PRH1: variants seen among roughly 807,000 people sequenced by gnomAD.
PRH1 encodes proline rich protein HaeIII subfamily 1, also known as salivary acidic proline-rich phosphoprotein 1/2.
A neutral mutation model predicts 7.9 loss-of-function variants in PRH1; 7 were observed. The observed-to-expected ratio is 0.89, with a 90% confidence interval of 0.50 to 1.67. The LOEUF is 1.67. Ranked by LOEUF, PRH1 falls within the 40% of genes most tolerant of loss-of-function variation. PRH1 has a pLI of 0.00. For missense variants in PRH1, 109 were observed against 223.6 expected, an observed-to-expected ratio of 0.49 and a Z score of 3.27; for synonymous variants, 45 against 80.8, an observed-to-expected ratio of 0.56 and a Z score of 2.38.
intron 1 of PRH1, among the ~76,000 whole-genome samples, chr12:11,128,847 T>A (rs564170204): frequency 2.6e-5 from 4 of 152,382 alleles, no homozygotes; most frequent in East Asian, 1.9e-4. Context: ...ACCTGTTTGC[T>A]ATAAGCAGGA....
chr12:11,166,008 T>C (rs1338382265), intron 1 of PRH1: 3 of 152,242 alleles, frequency 2.0e-5, no homozygotes, highest in Non-Finnish European at 4.4e-5. Context: ...TACGTACCTT[T>C]GCCTCAGACG....
At chr12:10,986,832 G>GAA in intron 1 of PRH1, 1 of 1,509,172 alleles carries the variant, frequency 6.6e-7, no homozygotes, top group Non-Finnish European at 8.8e-7. Flanking sequence ...TATTAGAATT[G>GAA]AAAAAAAAAT....
chr12:10,887,671 C>T (rs1231302192), upstream of PRH1, among the ~76,000 whole-genome samples: 2 of 150,868 alleles, frequency 1.3e-5, no homozygotes, highest in Admixed American at 6.6e-5. Context: ...ACAGGTCCCT[C>T]GCCACCATGA....
chr12:10,957,531 C>G (rs996922507), intron 2 of PRH1, among the ~76,000 whole-genome samples: 6 of 152,006 alleles, frequency 3.9e-5, no homozygotes, highest in African/African-American at 1.2e-4. Flanking sequence ...GCAAAGACAC[C>G]AAAATCAATT....
intron 1 of PRH1, among the ~76,000 whole-genome samples, chr12:11,157,152 G>A (rs901443743): frequency 2.0e-5 from 3 of 152,172 alleles, no homozygotes; most frequent in African/African-American, 4.8e-5. Context: ...GAATAAAAGT[G>A]TGAGTCTAAT....
intron 2 of PRH1, among the ~76,000 whole-genome samples, chr12:10,914,237 C>G (rs1949941516): frequency 6.6e-6 from 1 of 151,928 alleles, no homozygotes; most frequent in Non-Finnish European, 1.5e-5. Context: ...GTTCATTTGA[C>G]AATTAAAAAA....
intron 2 of PRH1, among the ~76,000 whole-genome samples, chr12:10,901,575 C>T (rs1222436663): frequency 6.6e-6 from 1 of 152,152 alleles, no homozygotes; most frequent in Non-Finnish European, 1.5e-5. Context: ...CTCCATGAGT[C>T]AGACCATTAT....
At chr12:11,118,208 A>C (rs2136318043), downstream of PRH1, among the ~76,000 whole-genome samples, 1 of 152,340 alleles carries the variant, frequency 6.6e-6, no homozygotes, top group Non-Finnish European at 1.5e-5. Context: ...AGGAGCTTAA[A>C]CAACTGTATA....
At chr12:11,105,051 A>T (rs1945370004) in intron 1 of PRH1, among the ~76,000 whole-genome samples, 1 of 151,712 alleles carries the variant, frequency 6.6e-6, no homozygotes, top group African/African-American at 2.4e-5. Flanking sequence ...AATTTCAAAT[A>T]CTCTTGTTAT....
chr12:10,951,958 A>G (rs907803893), intron 2 of PRH1, among the ~76,000 whole-genome samples: 1 of 152,220 alleles, frequency 6.6e-6, no homozygotes, highest in Non-Finnish European at 1.5e-5. Context: ...AAGGAAATCC[A>G]GTTCTCTGCT....
intron 2 of PRH1, among the ~76,000 whole-genome samples, chr12:10,968,820 G>C (rs1489754853): frequency 2.6e-5 from 4 of 152,226 alleles, no homozygotes; most frequent in Non-Finnish European, 4.4e-5. Flanking sequence ...CAGCATCTGG[G>C]GGGGTGCCCG....
intron 2 of PRH1, among the ~76,000 whole-genome samples, chr12:10,972,932 A>ACCCCCCCCCCCCCC (rs545868427): frequency 5.1e-5 from 4 of 79,068 alleles, no homozygotes; most frequent in East Asian, 4.1e-4. Context: ...ACCACAACCC[A>ACCCCCCCCCCCCCC]CCCCCCCCGC....
chr12:10,971,336 T>C (rs1262587411), intron 2 of PRH1, among the ~76,000 whole-genome samples: 2 of 149,530 alleles, frequency 1.3e-5, no homozygotes, highest in African/African-American at 4.9e-5. Context: ...TGAATGTTTT[T>C]CACTATGGAT....
intron 1 of PRH1, among the ~76,000 whole-genome samples, chr12:11,083,477 C>A (rs937377836): frequency 4.2e-4 from 5 of 11,824 alleles, no homozygotes; most frequent in African/African-American, 1.3e-3. Context: ...ATTTTACATT[C>A]ATTCATTTAG....
chr12:11,064,506 A>G (rs555852330), intron 1 of PRH1, among the ~76,000 whole-genome samples: 1 of 152,186 alleles, frequency 6.6e-6, no homozygotes, highest in Admixed American at 6.5e-5. Context: ...ATTCCTCTGT[A>G]TATATACCTT....
In PRH1 at chr12:10,938,567, T is replaced by C. The variant is rs140358524; in HGVS notation, c.-59+35088A>G. On this transcript the variant is annotated intron_variant, in intron 2 of 3. Coordinates refer to the PRH1 transcript ENST00000539853. ...GGCGTCTCCGGATATTTTGACAGTG[T>C]GCTGCATCTTCTTGCGATGTTTCCA... is the stretch of plus-strand genomic sequence containing the variant. The C allele has an allele frequency of 5.4e-5, 87 of 1,613,904 alleles. No homozygotes were observed. Among genetic ancestry groups the C allele is most frequent in the Non-Finnish European group, 6.5e-5 (77 of 1,179,998 alleles).
chr12:11,116,313 A>C (rs983086149), downstream of PRH1, among the ~76,000 whole-genome samples: 2 of 152,084 alleles, frequency 1.3e-5, no homozygotes, highest in African/African-American at 4.8e-5. Context: ...CCAGGCACAT[A>C]CAACCTACAA....
intron 2 of PRH1, chr12:10,964,693 G>A (rs11054094): frequency 0.31 from 191,892 of 611,174 alleles, 34,419 homozygotes; most frequent in Non-Finnish European, 0.35. Context: ...GGACCTTGGT[G>A]TTGGAATCTG....
At chr12:11,118,364 AATAAG>A (rs1279874527), downstream of PRH1, among the ~76,000 whole-genome samples, 4 of 152,332 alleles carry the variant, frequency 2.6e-5, no homozygotes, top group Admixed American at 6.5e-5. Flanking sequence ...TCAAAACTAA[AATAAG>A]ATATCATCTC....
Sources: gnomAD v4.1 joint callset for allele counts (sites outside exome capture counted in the v4.1 genomes callset) on GRCh38, gnomAD v4.1.1 for gene constraint, MANE v1.5 for transcripts, NCBI Gene and HGNC (gene_info 2026-07-23, HGNC 2026-07-21) for gene names.